The following NEDD9 variants were observed in gnomAD, a reference collection of about 807,000 sequenced individuals.
NEDD9 encodes the protein enhancer of filamentation 1.
In NEDD9, 26 loss-of-function variants were observed where a neutral mutation model predicts 76.6. The ratio of observed to expected loss-of-function variants is 0.34; its 90% CI spans 0.25 to 0.47. The LOEUF is 0.47. NEDD9 is among the 20% of genes least tolerant of loss of function. The pLI is 1.00. For missense variants in NEDD9, 937 were observed against 1,058.5 expected (o/e 0.89, Z 1.59); for synonymous variants, 392 against 414.2 (o/e 0.95, Z 0.65).
intron 2 of NEDD9, among the ~76,000 whole-genome samples, chr6:11,196,892 G>A (rs984745998): frequency 2.0e-5 from 3 of 152,104 alleles, no homozygotes; most frequent in African/African-American, 7.2e-5. Flanking sequence ...TCTCTGCCTC[G>A]ACCTGTTGCT....
intron 1 of NEDD9, among the ~76,000 whole-genome samples, chr6:11,216,242 C>G (rs1758949869): frequency 6.6e-6 from 1 of 152,206 alleles, no homozygotes; most frequent in African/African-American, 2.4e-5. Context: ...AGGACCCCGG[C>G]ACCAGCCTAT....
chr6:11,255,542 A>G (rs1759987531), intron 3 of NEDD9, among the ~76,000 whole-genome samples: 1 of 152,056 alleles, frequency 6.6e-6, no homozygotes, highest in Non-Finnish European at 1.5e-5. Flanking sequence ...GATCTAAGGT[A>G]GCTGAAACAG....
intron 1 of NEDD9, among the ~76,000 whole-genome samples, chr6:11,338,883 C>T (rs1762217596): frequency 1.4e-5 from 2 of 148,086 alleles, no homozygotes; most frequent in Admixed American, 1.4e-4. Flanking sequence ...GATTGTGCCA[C>T]TGTACTCCAG....
rs531738442 is a variant in NEDD9, at chr6:11,251,064, T to G, written c.13-37337A>C. 1.4e-4 allele frequency among the ~76,000 whole-genome samples: 22 copies of G among 152,270 alleles called. No homozygotes were observed. In the South Asian group the frequency reaches 4.6e-3, roughly 32 times the overall value. The stretch of plus-strand genomic sequence containing the variant: ...GATAAGTGGCTGTTTAATTTGAGCT[T>G]TAAAGAAATATAACCTACAATGGAA... On this transcript the variant is annotated intron_variant, in intron 3 of 3. Coordinates refer to the NEDD9 transcript ENST00000397378.
At chr6:11,187,918 G>A (rs999041134) in intron 6 of NEDD9, among the ~76,000 whole-genome samples, 1 of 152,182 alleles carries the variant, frequency 6.6e-6, no homozygotes, top group Non-Finnish European at 1.5e-5. Flanking sequence ...GCTTAGGCTA[G>A]CTTGAATGGG....
At chr6:11,319,585 C>G (rs1189000074) in intron 2 of NEDD9, among the ~76,000 whole-genome samples, 2 of 146,788 alleles carry the variant, frequency 1.4e-5, no homozygotes, top group Non-Finnish European at 3.0e-5. Flanking sequence ...TGCACTCACA[C>G]TAACGCACAC....
chr6:11,316,528 G>A (rs1489521463), intron 2 of NEDD9, among the ~76,000 whole-genome samples: 3 of 152,174 alleles, frequency 2.0e-5, no homozygotes, highest in East Asian at 3.8e-4. Context: ...CTCCTGGACT[G>A]TTGCAATTGT....
intron 3 of NEDD9, among the ~76,000 whole-genome samples, chr6:11,269,712 G>T (rs1760264932): frequency 6.6e-6 from 1 of 152,138 alleles, no homozygotes; most frequent in African/African-American, 2.4e-5. Flanking sequence ...TAGTAAAATG[G>T]ATCACTTATT....
chr6:11,380,757 G>C (rs1763047577), intron 1 of NEDD9, among the ~76,000 whole-genome samples: 1 of 152,166 alleles, frequency 6.6e-6, no homozygotes, highest in Admixed American at 6.5e-5. Flanking sequence ...CTTACAGCCT[G>C]TCCTCTCCTA....
intron 1 of NEDD9, among the ~76,000 whole-genome samples, chr6:11,354,300 G>A (rs1762526568): frequency 6.6e-6 from 1 of 152,224 alleles, no homozygotes; most frequent in Admixed American, 6.5e-5. Context: ...AAAGCACAGA[G>A]AACATGAGTC....
chr6:11,308,717 A>C (rs537190113), intron 2 of NEDD9, among the ~76,000 whole-genome samples: 1 of 152,246 alleles, frequency 6.6e-6, no homozygotes. Context: ...TAATTTTACA[A>C]TATTTAGACC....
chr6:11,326,469 G>A (rs977933826), intron 2 of NEDD9, among the ~76,000 whole-genome samples: 1 of 152,208 alleles, frequency 6.6e-6, no homozygotes, highest in African/African-American at 2.4e-5. Context: ...TTTCTTATGG[G>A]AAATATTTTC....
At chr6:11,237,064 C>T (rs879604011), upstream of NEDD9, among the ~76,000 whole-genome samples, 5 of 152,276 alleles carry the variant, frequency 3.3e-5, no homozygotes, top group Admixed American at 2.6e-4. This position sits in a 1 kb window ranked among gnomAD's most constrained non-coding sequence, Gnocchi z 4.9. Context: ...TCAAGTTTGG[C>T]CTCAACACTA....
rs1026054189 is a variant in NEDD9, at chr6:11,252,474, C to A, written c.13-38747G>T. ...TCTATGTTAATAGAATTCTCTATGGCTCTCCATCCTTTAAACAAATTAACA... is the reference window on the plus strand; with the variant it reads ...TCTATGTTAATAGAATTCTCTATGGATCTCCATCCTTTAAACAAATTAACA... On this transcript the variant is annotated intron_variant, in intron 3 of 3. Coordinates refer to the NEDD9 transcript ENST00000397378. The surrounding 1 kb of genome is among the most constrained non-coding windows in gnomAD (Gnocchi z 4.3). Among the ~76,000 whole-genome samples the A allele has an allele frequency of 1.3e-5, 2 of 152,202 alleles. No individual in the cohort carries two copies. Among genetic ancestry groups the A allele is most frequent in the East Asian group, 3.8e-4 (2 of 5,204 alleles).
chr6:11,204,004 C>T (rs1026256857), intron 2 of NEDD9, among the ~76,000 whole-genome samples: 1 of 151,470 alleles, frequency 6.6e-6, no homozygotes, highest in Non-Finnish European at 1.5e-5. Context: ...GATGTCAGGC[C>T]GTTTTTATTA....
rs185759697 is a variant in NEDD9, at chr6:11,339,458, A to T, written c.-213-4897T>A. Among the ~76,000 whole-genome samples, 652 of 152,220 alleles carry T rather than the reference A, an allele frequency of 4.3e-3. 2 individuals carry two copies. Among genetic ancestry groups the T allele is most frequent in the African/African-American group, 0.015 (619 of 41,530 alleles). ...TGGATACTCTTTTTCTACTTGAGGT[A>T]GTTAGATATGCCTCAACCTCTATGA... On this transcript the variant is annotated intron_variant, in intron 1 of 3. Transcript: ENST00000397378.
At chr6:11,222,379 T>G (rs1245555862) in intron 1 of NEDD9, among the ~76,000 whole-genome samples, 6 of 152,226 alleles carry the variant, frequency 3.9e-5, no homozygotes, top group Non-Finnish European at 7.3e-5. Context: ...GAAAACAGAT[T>G]CACACACTTG....
intron 3 of NEDD9, among the ~76,000 whole-genome samples, chr6:11,193,264 T>C (rs148622548): frequency 0.013 from 1,952 of 149,326 alleles, 21 homozygotes; most frequent in Middle Eastern, 0.031. Flanking sequence ...TGAGCTGAGA[T>C]AGAGCCACTG....
At chr6:11,322,988 T>C (rs945178933) in intron 2 of NEDD9, among the ~76,000 whole-genome samples, 1 of 152,234 alleles carries the variant, frequency 6.6e-6, no homozygotes, top group African/African-American at 2.4e-5. Flanking sequence ...TACTACTTTA[T>C]AGGAATTTTT....
Sources: allele counts gnomAD v4.1 joint callset (sites outside exome capture counted in the v4.1 genomes callset), GRCh38; gene constraint gnomAD v4.1.1; non-coding constraint Gnocchi (gnomAD v3.1); transcripts MANE v1.5; gene names NCBI Gene and HGNC (gene_info 2026-07-23, HGNC 2026-07-21).